ANKUB1: variants seen among roughly 807,000 people sequenced by gnomAD.
The protein encoded by ANKUB1 is ankyrin repeat and ubiquitin domain containing 1, also known as protein ANKUB1.
A neutral mutation model predicts 49.3 loss-of-function variants in ANKUB1; 42 were observed. The observed-to-expected ratio is 0.85, with a 90% CI of 0.67 to 1.10. The LOEUF is 1.10. Among genes scored for constraint, ANKUB1 ranks in the 50% least tolerant of loss-of-function variants. The pLI, the probability that ANKUB1 is intolerant of heterozygous loss-of-function variation, is 0.00. For missense variants in ANKUB1, 613 were observed against 642.0 expected (o/e 0.95, Z 0.49); for synonymous variants, 222 against 231.0 (o/e 0.96, Z 0.35).
chr3:149,792,195 T>C (rs1718387458), intron 1 of ANKUB1, 82 bp downstream of exon 1: 1 of 970,018 alleles, frequency 1.0e-6, no homozygotes, highest in Non-Finnish European at 1.4e-6. Context: ...CCCAATAGCA[T>C]CTCTACCCTT....
At chr3:149,764,617 C>CTCCTCCCT (rs1417982748) in intron 5 of ANKUB1, among the ~76,000 whole-genome samples, 1 of 43,218 alleles carries the variant, frequency 2.3e-5, no homozygotes, top group Non-Finnish European at 4.8e-5. Flanking sequence ...CCTCCCTCCT[C>CTCCTCCCT]TCCTCCCTTC....
At position 149,776,392 on chromosome 3, in the gene ANKUB1, C is replaced by A. The variant is rs141165110; in HGVS notation, c.451+3847G>T. 5.4e-4 allele frequency among the ~76,000 whole-genome samples: 82 copies of A among 152,300 alleles called. 1 individual carries two copies. The East Asian group carries it at 9.9e-3, about 18-fold the overall frequency. Reference sequence around the variant, plus strand: ...TTTACTCTCTGAGGAATGTACCCCTCATAGGGCTTGGTCTCCACCTACATG... The same window carrying A: ...TTTACTCTCTGAGGAATGTACCCCTAATAGGGCTTGGTCTCCACCTACATG... On this transcript the variant is annotated intron_variant, in intron 3 of 5. Coordinates refer to ENST00000446160, the MANE Select transcript of ANKUB1 (RefSeq NM_001144960.3).
chr3:149,788,612 A>T (rs1013237840), intron 2 of ANKUB1, among the ~76,000 whole-genome samples: 2 of 152,134 alleles, frequency 1.3e-5, no homozygotes, highest in East Asian at 3.9e-4. Flanking sequence ...AGCAGTTTAA[A>T]ACTTCAGGTA....
At chr3:149,780,577 T>A (rs1312431823) in intron 2 of ANKUB1, 122 bp from the exon 3 acceptor site, 2 of 692,798 alleles carry the variant, frequency 2.9e-6, no homozygotes, top group African/African-American at 3.6e-5. Context: ...AAAGCAATAG[T>A]CAGTTGAGTT....
In ANKUB1 at chr3:149,766,916, G is replaced by C. The variant is rs559600596; in HGVS notation, c.1505+241C>G. The C allele has an allele frequency of 1.7e-3, 1,968 of 1,146,046 alleles. 261 individuals carry two copies. Among genetic ancestry groups the C allele is most frequent in the Non-Finnish European group, 2.3e-3 (1,824 of 793,292 alleles). 71.0% of individuals were successfully genotyped at this position (1,146,046 alleles called of 1,614,324 possible). On this transcript the variant is annotated intron_variant, in intron 5 of 5. Coordinates refer to ENST00000446160, the MANE Select transcript of ANKUB1 (RefSeq NM_001144960.3). ...GAGAATTGATACAATTCTTTCTACT[G>C]TGTTTCTTTCCCTCCTGAAAGTTTG...
intron 3 of ANKUB1, chr3:149,779,993 T>A (rs1235839478): frequency 2.0e-6 from 1 of 491,938 alleles, no homozygotes; most frequent in Admixed American, 3.4e-5. Flanking sequence ...AATGGTTGCC[T>A]GTGAGGAGGG....
At chr3:149,786,862 T>C (rs2108280581) in intron 2 of ANKUB1, among the ~76,000 whole-genome samples, 1 of 152,354 alleles carries the variant, frequency 6.6e-6, no homozygotes, top group East Asian at 1.9e-4. Context: ...TTGTCAGGTT[T>C]GTCAAAGATC....
intron 2 of ANKUB1, among the ~76,000 whole-genome samples, chr3:149,788,438 A>G (rs1219374057): frequency 6.6e-6 from 1 of 151,848 alleles, no homozygotes. Context: ...GCTGGGTTCA[A>G]TTGATCCTCC....
chr3:149,786,315 G>A (rs1189157437), intron 2 of ANKUB1, among the ~76,000 whole-genome samples: 3 of 152,154 alleles, frequency 2.0e-5, no homozygotes, highest in Non-Finnish European at 4.4e-5. Context: ...GATTACAGGC[G>A]TGAGCCACCG....
chr3:149,791,783 T>C (rs901710873), intron 1 of ANKUB1, among the ~76,000 whole-genome samples: 1 of 152,234 alleles, frequency 6.6e-6, no homozygotes, highest in Non-Finnish European at 1.5e-5. Context: ...CTAGGTAAGA[T>C]AGTCAACCTC....
At chr3:149,788,865 C>T (rs1259376615) in intron 2 of ANKUB1, among the ~76,000 whole-genome samples, 1 of 151,938 alleles carries the variant, frequency 6.6e-6, no homozygotes, top group Admixed American at 6.6e-5. Flanking sequence ...TAACCTCCAC[C>T]TCCAGGGTTC....
At position 149,783,293 on chromosome 3, in the gene ANKUB1, C is replaced by T. The variant is rs78951084; in HGVS notation, c.235-2838G>A. The T allele has an allele frequency of 1.0e-3, 156 of 152,280 alleles. 1 individual carries two copies. Among genetic ancestry groups the T allele is most frequent in the African/African-American group, 3.6e-3 (148 of 41,556 alleles). The allele number at this position is 152,280 out of a possible 1,614,324, so 9.4% of individuals were successfully genotyped here. A position where few individuals can be genotyped will look rare whatever the true frequency, so the allele number is the denominator to read the frequency against. On this transcript the variant is annotated intron_variant, in intron 2 of 5. Coordinates refer to ENST00000446160, the MANE Select transcript of ANKUB1 (RefSeq NM_001144960.3). ...ACTCCTCCCCAAGTATTCTGAATCA[C>T]AGAAGGCTGGTCAGTCACAACCAAC...
At chr3:149,771,114 T>C (rs189898493) in intron 3 of ANKUB1, among the ~76,000 whole-genome samples, 66 of 152,342 alleles carry the variant, frequency 4.3e-4, no homozygotes, top group African/African-American at 1.5e-3. Flanking sequence ...AATTTGCTTG[T>C]TCTATCCTTT....
intron 5 of ANKUB1, among the ~76,000 whole-genome samples, chr3:149,764,636 C>CTCTCTCTTTCTTTCTT (rs1491223147): frequency 0.024 from 1,548 of 63,500 alleles, 23 homozygotes; most frequent in East Asian, 0.1. Flanking sequence ...TCCTCCCTTC[C>CTCTCTCTTTCTTTCTT]TCTCTCTTTC....
At chr3:149,776,881 G>A (rs1717618998) in intron 3 of ANKUB1, among the ~76,000 whole-genome samples, 1 of 152,120 alleles carries the variant, frequency 6.6e-6, no homozygotes. Flanking sequence ...GGAGGCTGAG[G>A]TGAGAGAATC....
rs1717122936 is a variant in ANKUB1 at position 149,767,839 on chromosome 3, G to T, written c.823C>A (p.Gln275Lys). ...TTGAACACAATGGTCAGGGGAGTTTGTCCTGCTGCATTTTTGCATTCCAGG... is the reference window on the plus strand; with the variant it reads ...TTGAACACAATGGTCAGGGGAGTTTTTCCTGCTGCATTTTTGCATTCCAGG... ...LCLECKNAAG[Q>K]TPLTIVFKHK... Residue 275 changes from glutamine (Q) to lysine (K), a missense_variant, in exon 5 of 6, where the codon CAA (glutamine) becomes AAA (lysine). Coordinates refer to ENST00000446160, the MANE Select transcript of ANKUB1 (RefSeq NM_001144960.3). 1 of 1,551,732 alleles carries T rather than the reference G, an allele frequency of 6.4e-7. No individual in the cohort carries two copies. The highest frequency in any genetic ancestry group is 2.0e-5 in the Admixed American group (1 of 51,010).
intron 4 of ANKUB1, among the ~76,000 whole-genome samples, chr3:149,770,047 T>C (rs1717259377): frequency 6.6e-6 from 1 of 152,206 alleles, no homozygotes; most frequent in Non-Finnish European, 1.5e-5. Context: ...TGAAGACCTT[T>C]ATAATGATCC....
intron 5 of ANKUB1, among the ~76,000 whole-genome samples, chr3:149,762,924 C>T (rs1206324998): frequency 2.6e-5 from 4 of 152,200 alleles, no homozygotes; most frequent in African/African-American, 7.2e-5. Flanking sequence ...CACAAAAGTG[C>T]CTTTGACCAT....
At chr3:149,773,092 G>A (rs367877754) in intron 3 of ANKUB1, among the ~76,000 whole-genome samples, 8 of 152,290 alleles carry the variant, frequency 5.3e-5, no homozygotes, top group African/African-American at 1.9e-4. Context: ...TGTGTCTTTA[G>A]GATTCTTTCT....
Sources: gnomAD v4.1 joint callset for allele counts (sites outside exome capture counted in the v4.1 genomes callset) on GRCh38, gnomAD v4.1.1 for gene constraint, MANE v1.5 for transcripts, NCBI Gene and HGNC (gene_info 2026-07-23, HGNC 2026-07-21) for gene names.